Variants in ROBO1 observed in about 807,000 individuals in gnomAD.
The protein encoded by ROBO1 is roundabout homolog 1.
A neutral mutation model predicts 195.9 loss-of-function variants in ROBO1; 149 were observed. The observed-to-expected ratio is 0.76, with a 90% CI of 0.67 to 0.87. The LOEUF is 0.87. ROBO1 is among the 40% of genes least tolerant of loss of function. ROBO1 has a pLI of 0.00. For missense variants in ROBO1, 1,933 were observed against 2,068.3 expected (o/e 0.93, Z 1.27); for synonymous variants, 816 against 733.2 (o/e 1.11, Z -1.82).
chr3:78,627,702 G>T, intron 25 of ROBO1, 133 bp from the exon 26 acceptor site: 1 of 1,018,166 alleles, frequency 9.8e-7, no homozygotes, highest in Non-Finnish European at 1.4e-6. Context: ...AGATATTATT[G>T]AAAAAGGTTT....
At chr3:79,645,936 G>A (rs1020948818) in intron 1 of ROBO1, among the ~76,000 whole-genome samples, 1 of 152,062 alleles carries the variant, frequency 6.6e-6, no homozygotes, top group Non-Finnish European at 1.5e-5. Context: ...AACTCAAAAT[G>A]TATTAAAGAC....
intron 2 of ROBO1, among the ~76,000 whole-genome samples, chr3:79,439,663 CACAT>C (rs539341756): frequency 1.9e-3 from 288 of 152,102 alleles, no homozygotes; most frequent in African/African-American, 5.9e-3. Context: ...AATGGAATTT[CACAT>C]ACATAGTTTT....
At chr3:78,799,878 T>C (rs545221939) in intron 4 of ROBO1, among the ~76,000 whole-genome samples, 80 of 152,252 alleles carry the variant, frequency 5.3e-4, no homozygotes, top group Admixed American at 9.8e-4. Flanking sequence ...CCAGACTCAG[T>C]TTTATTTTCT....
intron 2 of ROBO1, among the ~76,000 whole-genome samples, chr3:79,194,116 C>T (rs976375623): frequency 5.9e-5 from 9 of 151,644 alleles, no homozygotes; most frequent in Admixed American, 1.3e-4. Context: ...TTATAGAATC[C>T]TAATCTGGAA....
chr3:79,344,694 TG>T (rs2035041983), intron 2 of ROBO1, among the ~76,000 whole-genome samples: 1 of 151,964 alleles, frequency 6.6e-6, no homozygotes, highest in Non-Finnish European at 1.5e-5. Flanking sequence ...GCTGTAAAAA[TG>T]CATACATATA....
intron 5 of ROBO1, among the ~76,000 whole-genome samples, chr3:78,722,406 T>C (rs1170397387): frequency 6.6e-6 from 1 of 152,128 alleles, no homozygotes; most frequent in Non-Finnish European, 1.5e-5. Flanking sequence ...TTTTCATTAG[T>C]AACATAATAT....
intron 5 of ROBO1, among the ~76,000 whole-genome samples, chr3:78,728,021 T>G (rs1265736572): frequency 6.6e-6 from 1 of 152,192 alleles, no homozygotes; most frequent in African/African-American, 2.4e-5. Flanking sequence ...TTAGATTAAA[T>G]AAACAATAAA....
intron 3 of ROBO1, among the ~76,000 whole-genome samples, chr3:78,984,948 A>C (rs570756112): frequency 6.6e-6 from 1 of 152,126 alleles, no homozygotes; most frequent in Non-Finnish European, 1.5e-5. Context: ...TCCTCCTCCT[A>C]GCCTACTCAT....
At chr3:79,485,140 G>T (rs1169537355) in intron 2 of ROBO1, among the ~76,000 whole-genome samples, 2 of 152,056 alleles carry the variant, frequency 1.3e-5, no homozygotes, top group Non-Finnish European at 2.9e-5. Context: ...ATAGTGTTGA[G>T]CTGTGTAGCT....
chr3:79,136,668 C>A (rs1043905582), intron 2 of ROBO1, among the ~76,000 whole-genome samples: 1 of 152,052 alleles, frequency 6.6e-6, no homozygotes, highest in Non-Finnish European at 1.5e-5. Flanking sequence ...ATTTGTGAAG[C>A]TTTAAATTTG....
chr3:79,730,167 C>G (rs546175964), intron 1 of ROBO1, among the ~76,000 whole-genome samples: 1 of 152,244 alleles, frequency 6.6e-6, no homozygotes, highest in African/African-American at 2.4e-5. Context: ...CTACATTATC[C>G]TATACACTGT....
intron 2 of ROBO1, among the ~76,000 whole-genome samples, chr3:79,499,461 T>A (rs553561086): frequency 4.1e-4 from 63 of 152,332 alleles, no homozygotes; most frequent in African/African-American, 1.5e-3. Flanking sequence ...ACCTGTAGGC[T>A]ATTTTTGTTA....
At chr3:79,358,541 C>T (rs771843382) in intron 2 of ROBO1, among the ~76,000 whole-genome samples, 10 of 151,986 alleles carry the variant, frequency 6.6e-5, no homozygotes, top group Non-Finnish European at 1.5e-4. Context: ...ATAATACTTT[C>T]TGTTCTTGTA....
intron 1 of ROBO1, among the ~76,000 whole-genome samples, chr3:79,713,736 G>A (rs566475074): frequency 4.3e-4 from 65 of 151,906 alleles, no homozygotes; most frequent in African/African-American, 1.4e-3. Context: ...GGTCTAACAT[G>A]TAAGTCTTTA....
chr3:78,644,552 C>T (rs1706160695), intron 21 of ROBO1, among the ~76,000 whole-genome samples: 1 of 152,126 alleles, frequency 6.6e-6, no homozygotes. Flanking sequence ...TTTCTACTTA[C>T]TATTTGAAAT....
intron 4 of ROBO1, among the ~76,000 whole-genome samples, chr3:78,836,260 C>T (rs1576260694): frequency 6.6e-6 from 1 of 152,020 alleles, no homozygotes; most frequent in African/African-American, 2.4e-5. Flanking sequence ...TGCCTGTAAT[C>T]CCAGCACTTT....
chr3:78,612,252 TC>T (rs1703862880), intron 28 of ROBO1, among the ~76,000 whole-genome samples: 1 of 152,244 alleles, frequency 6.6e-6, no homozygotes, highest in African/African-American at 2.4e-5. Flanking sequence ...TCCATCATAA[TC>T]CATACATTTT....
At chr3:78,807,819 T>G (rs984830083) in intron 4 of ROBO1, among the ~76,000 whole-genome samples, 3 of 152,186 alleles carry the variant, frequency 2.0e-5, no homozygotes, top group African/African-American at 7.2e-5. Flanking sequence ...GATGAGGGAA[T>G]GAAGAGAGGG....
intron 2 of ROBO1, among the ~76,000 whole-genome samples, chr3:79,288,743 T>C (rs1234211000): frequency 6.6e-6 from 1 of 152,196 alleles, no homozygotes; most frequent in Middle Eastern, 3.2e-3. Flanking sequence ...TTGTTAACAC[T>C]GAGTATTTTA....
Sources: allele counts gnomAD v4.1 joint callset (sites outside exome capture counted in the v4.1 genomes callset), GRCh38; gene constraint gnomAD v4.1.1; transcripts MANE v1.5; gene names NCBI Gene and HGNC (gene_info 2026-07-23, HGNC 2026-07-21).